Variants in METTL16 observed in about 807,000 individuals in gnomAD.
The protein encoded by METTL16 is methyltransferase 16, RNA N6-adenosine, also known as RNA N(6)-adenosine-methyltransferase METTL16.
In METTL16, 19 loss-of-function variants were observed where a neutral mutation model predicts 57.9. That is an observed-to-expected ratio of 0.33 (90% CI 0.23 to 0.48). The LOEUF (loss-of-function observed/expected upper bound fraction) is 0.48, where lower values mean the gene tolerates loss of function less well. Ranked by LOEUF, METTL16 falls within the 20% of genes least tolerant of loss-of-function variation. The probability of loss-of-function intolerance (pLI) is 0.99; values close to 1 mark genes in which losing one functional copy is unlikely to be tolerated. For missense variants in METTL16, 434 were observed against 691.5 expected, an observed-to-expected ratio of 0.63 and a Z score of 4.18; for synonymous variants, 246 against 255.6, an observed-to-expected ratio of 0.96 and a Z score of 0.36.
At chr17:2,468,327 G>A (rs1312980267) in intron 4 of METTL16, among the ~76,000 whole-genome samples, 1 of 152,180 alleles carries the variant, frequency 6.6e-6, no homozygotes, top group East Asian at 1.9e-4. Context: ...AGTATAGGCT[G>A]CATTTTAAGG....
chr17:2,477,735 G>A lies in METTL16; in HGVS notation c.279C>T (p.Ile93=), dbSNP rs371166494. The A allele has an allele frequency of 8.7e-5, 140 of 1,613,808 alleles. No individual in the cohort carries two copies. The highest frequency in any genetic ancestry group is 1.1e-4 in the Non-Finnish European group (128 of 1,179,834). The stretch of plus-strand genomic sequence containing the variant: ...TACTTTTGTCAGAATCCTGGTGACC[G>A]ATCAGATCTTCTACCCAGTGAATAT... ...LNYIHWVEDL[I]GHQDSDKSTL... is the part of the protein sequence containing the mutation. Residue 93 remains isoleucine (I), a synonymous_variant, in exon 3 of 10, where the codon ATC becomes ATT. Coordinates refer to ENST00000263092, the MANE Select transcript of METTL16 (RefSeq NM_024086.4).
intron 1 of METTL16, among the ~76,000 whole-genome samples, chr17:2,508,169 A>G (rs568622929): frequency 7.2e-5 from 11 of 152,290 alleles, no homozygotes; most frequent in African/African-American, 2.6e-4. Flanking sequence ...ATCTCCTAGC[A>G]ATAAATATTT....
At chr17:2,432,232 G>C (rs1365309202) in intron 8 of METTL16, among the ~76,000 whole-genome samples, 1 of 152,174 alleles carries the variant, frequency 6.6e-6, no homozygotes, top group African/African-American at 2.4e-5. Flanking sequence ...TTACAGGTGT[G>C]AGCCACCACG....
intron 6 of METTL16, among the ~76,000 whole-genome samples, chr17:2,454,982 G>A (rs965005006): frequency 2.0e-5 from 3 of 151,228 alleles, no homozygotes; most frequent in African/African-American, 4.9e-5. Context: ...GTGCAGTGGC[G>A]CAATCTTGGT....
At chr17:2,451,527 AG>A (rs2067069661) in intron 6 of METTL16, among the ~76,000 whole-genome samples, 1 of 151,974 alleles carries the variant, frequency 6.6e-6, no homozygotes, top group African/African-American at 2.4e-5. Flanking sequence ...AGGCTGAAGC[AG>A]GAGAATCGCT....
Position 2,502,340 on chromosome 17 carries a change from G to C in METTL16, c.1-9C>G. ...GATTTACTCAGAGCCATCTTAAGGAGAGAAAGAGAGAAAGAAAATCAGCAT... is the reference window on the plus strand; with the variant it reads ...GATTTACTCAGAGCCATCTTAAGGACAGAAAGAGAGAAAGAAAATCAGCAT... On this transcript the variant is annotated splice_polypyrimidine_tract_variant and intron_variant, in intron 1 of 9. Transcript: ENST00000263092. The C allele has an allele frequency of 6.2e-7, 1 of 1,607,374 alleles. No individual in the cohort carries two copies. Among genetic ancestry groups the C allele is most frequent in the Non-Finnish European group, 8.5e-7 (1 of 1,177,610 alleles).
intron 6 of METTL16, among the ~76,000 whole-genome samples, chr17:2,448,888 G>A (rs2067047749): frequency 6.8e-6 from 1 of 147,986 alleles, no homozygotes; most frequent in Admixed American, 6.7e-5. Context: ...TTAGCTGGGT[G>A]TGGTGGTGCG....
Position 2,416,909 on chromosome 17 carries a change from C to G in METTL16, c.*3061G>C, listed in dbSNP as rs1461312784. The G allele has an allele frequency of 2.6e-5, 4 of 152,212 alleles. No individual in the cohort carries two copies. The highest frequency in any genetic ancestry group is 9.7e-5 in the African/African-American group (4 of 41,364). The allele number at this position is 152,212 out of a possible 1,614,324, so 9.4% of individuals were successfully genotyped here. A position where few individuals can be genotyped will look rare whatever the true frequency, so the allele number is the denominator to read the frequency against. The stretch of plus-strand genomic sequence containing the variant: ...CACAATTATAAAGCATATGCATGAC[C>G]AAAACAATGCTTAGATGTCCTTTAA... On this transcript the variant is annotated 3_prime_UTR_variant, in exon 10 of 10. Coordinates refer to ENST00000263092, the MANE Select transcript of METTL16 (RefSeq NM_024086.4).
intron 6 of METTL16, among the ~76,000 whole-genome samples, chr17:2,460,573 T>C (rs552294380): frequency 2.6e-5 from 4 of 152,334 alleles, no homozygotes; most frequent in African/African-American, 9.6e-5. Flanking sequence ...TTTTCCTGGC[T>C]GGCTCTAGTT....
chr17:2,502,638 A>G (rs2067498000), intron 1 of METTL16, among the ~76,000 whole-genome samples: 1 of 152,058 alleles, frequency 6.6e-6, no homozygotes, highest in Admixed American at 6.6e-5. Context: ...CAGTGAGCCG[A>G]GATCACGCCA....
At chr17:2,441,994 G>A (rs2066956060) in intron 6 of METTL16, among the ~76,000 whole-genome samples, 2 of 152,170 alleles carry the variant, frequency 1.3e-5, no homozygotes, top group Non-Finnish European at 2.9e-5. Context: ...GTAATTTAAG[G>A]ATAGATAATG....
intron 6 of METTL16, among the ~76,000 whole-genome samples, chr17:2,462,223 C>T (rs918551939): frequency 1.3e-5 from 2 of 152,156 alleles, no homozygotes; most frequent in Non-Finnish European, 2.9e-5. Flanking sequence ...AAAAGCCAGT[C>T]ATAAAAGGAC....
chr17:2,501,412 GA>G (rs1442455659), intron 2 of METTL16, among the ~76,000 whole-genome samples: 2 of 152,092 alleles, frequency 1.3e-5, no homozygotes, highest in Non-Finnish European at 2.9e-5. Context: ...TTGGGCAACA[GA>G]GCAAGATCCT....
In METTL16 at chr17:2,419,780, T is replaced by C; in HGVS notation, c.*190A>G. Reference sequence around the variant, plus strand: ...AATTCCTCCTTGTAAATGACCACACTACGACTCCCTGTAACTCAAAAAGCG... The same window carrying C: ...AATTCCTCCTTGTAAATGACCACACCACGACTCCCTGTAACTCAAAAAGCG... On this transcript the variant is annotated 3_prime_UTR_variant, in exon 10 of 10. Coordinates refer to ENST00000263092, the MANE Select transcript of METTL16 (RefSeq NM_024086.4). 1.4e-6 allele frequency: 1 copy of C among 739,216 alleles called. No individual in the cohort carries two copies. Among genetic ancestry groups the C allele is most frequent in the Non-Finnish European group, 2.4e-6 (1 of 422,054 alleles). The allele number at this position is 739,216 out of a possible 1,614,324, so 45.8% of individuals were successfully genotyped here.
chr17:2,481,393 AC>A (rs948954175), intron 2 of METTL16, among the ~76,000 whole-genome samples: 2 of 152,120 alleles, frequency 1.3e-5, no homozygotes, highest in African/African-American at 4.8e-5. Flanking sequence ...CAAAGTTAAT[AC>A]CCCTAATTAT....
chr17:2,467,987 C>A, intron 4 of METTL16, 111 bp from the exon 5 acceptor site: 1 of 721,816 alleles, frequency 1.4e-6, no homozygotes. Context: ...ATGGTGGTCC[C>A]GTAAGATTAT....
At chr17:2,495,360 G>A (rs1288203665) in intron 2 of METTL16, among the ~76,000 whole-genome samples, 2 of 152,008 alleles carry the variant, frequency 1.3e-5, no homozygotes, top group Admixed American at 1.3e-4. Context: ...GAACATTTGG[G>A]ATTGATGAGA....
Position 2,428,587 on chromosome 17 carries a change from ATATATATATATAT to A in METTL16, c.889-7696_889-7684del, listed in dbSNP as rs1567881612. Reference sequence around the variant, plus strand: ...AAAATATATATATATATATATATATATATATATATATATATAAATTGTAATACAGCGGGGCACA... The same window carrying A: ...AAAATATATATATATATATATATATAATAAATTGTAATACAGCGGGGCACA... On this transcript the variant is annotated intron_variant, in intron 8 of 9. Coordinates refer to ENST00000263092, the MANE Select transcript of METTL16 (RefSeq NM_024086.4). Among the ~76,000 whole-genome samples, 27 of 48,340 alleles carry A rather than the reference ATATATATATATAT, an allele frequency of 5.6e-4. 1 individual carries two copies. The East Asian group carries it at 9.1e-3, about 16-fold the overall frequency. The allele number at this position is 48,340 out of a possible 152,430, so 31.7% of individuals were successfully genotyped here.
At chr17:2,435,669 G>C (rs2066903887) in intron 8 of METTL16, among the ~76,000 whole-genome samples, 1 of 151,124 alleles carries the variant, frequency 6.6e-6, no homozygotes, top group African/African-American at 2.4e-5. Context: ...GGCTGGGGTA[G>C]TGGTGGGGAG....
Sources: allele counts gnomAD v4.1 joint callset (sites outside exome capture counted in the v4.1 genomes callset), GRCh38; gene constraint gnomAD v4.1.1; transcripts MANE v1.5; gene names NCBI Gene and HGNC (gene_info 2026-07-23, HGNC 2026-07-21).